The following UTRN variants were observed in gnomAD, a reference collection of about 807,000 sequenced individuals.
UTRN encodes dystrophin-related protein 1.
UTRN carries 283 observed loss-of-function variants against 463.9 expected under a neutral mutation model. The observed-to-expected ratio is 0.61, with a 90% CI of 0.55 to 0.67. UTRN has a LOEUF of 0.67. Among genes scored for constraint, UTRN ranks in the 30% least tolerant of loss-of-function variants. UTRN has a pLI of 0.00. For synonymous variants in UTRN, 1,442 were observed against 1,431.5 expected (o/e 1.01, Z -0.17); for missense variants, 3,922 against 4,084.3 (o/e 0.96, Z 1.08).
chr6:144,744,475 A>G (rs1790476977), intron 54 of UTRN, among the ~76,000 whole-genome samples: 1 of 148,472 alleles, frequency 6.7e-6, no homozygotes, highest in Non-Finnish European at 1.5e-5. Context: ...ACTTATGTAT[A>G]TTATACATAA....
intron 51 of UTRN, among the ~76,000 whole-genome samples, chr6:144,626,043 C>G (rs971816986): frequency 1.3e-5 from 2 of 152,152 alleles, no homozygotes; most frequent in Non-Finnish European, 2.9e-5. Flanking sequence ...TAGGGGCTGA[C>G]AGTGACCAGT....
At chr6:144,745,151 G>T (rs1790571603) in intron 54 of UTRN, among the ~76,000 whole-genome samples, 1 of 152,110 alleles carries the variant, frequency 6.6e-6, no homozygotes, top group Non-Finnish European at 1.5e-5. Context: ...CAGATTCTCT[G>T]CTTCTACTTG....
intron 34 of UTRN, among the ~76,000 whole-genome samples, chr6:144,505,582 C>G (rs898423656): frequency 6.6e-6 from 1 of 152,164 alleles, no homozygotes; most frequent in Non-Finnish European, 1.5e-5. Context: ...TTTCTTAATC[C>G]TGAGTTCTAA....
intron 2 of UTRN, among the ~76,000 whole-genome samples, chr6:144,302,035 A>T (rs373744061): frequency 2.6e-5 from 4 of 152,148 alleles, no homozygotes; most frequent in South Asian, 4.1e-4. Context: ...AAACATCAGC[A>T]TCAGTGCCAC....
At chr6:144,340,124 ACCACTGCACT>A (rs1178263312) in intron 2 of UTRN, among the ~76,000 whole-genome samples, 3 of 152,154 alleles carry the variant, frequency 2.0e-5, no homozygotes, top group Admixed American at 6.5e-5. Flanking sequence ...CTGAGATCAC[ACCACTGCACT>A]CCAGCCTGGG....
intron 2 of UTRN, among the ~76,000 whole-genome samples, chr6:144,305,452 G>T (rs978620586): frequency 6.6e-6 from 1 of 152,174 alleles, no homozygotes; most frequent in Non-Finnish European, 1.5e-5. Flanking sequence ...AATGAAAATA[G>T]AAATAGAATC....
intron 74 of UTRN, among the ~76,000 whole-genome samples, chr6:144,849,188 G>A (rs947964722): frequency 6.6e-6 from 1 of 152,090 alleles, no homozygotes; most frequent in African/African-American, 2.4e-5. Flanking sequence ...GGAAGAGTGA[G>A]GCATAGGGTC....
In UTRN at chr6:144,444,144, A is replaced by T. The variant is rs1351306291; in HGVS notation, c.1513-137A>T. 5 of 659,368 alleles carry T rather than the reference A, an allele frequency of 7.6e-6. No individual in the cohort carries two copies. In the African/African-American group the frequency reaches 7.6e-5, roughly 10 times the overall value. 40.8% of individuals were successfully genotyped at this position (659,368 alleles called of 1,614,324 possible). A position where few individuals can be genotyped will look rare whatever the true frequency, so the allele number is the denominator to read the frequency against. ...TTTCTAGGCCTAGTCTGTTATTTTA[A>T]AGCAATTTTTATAAAAATACTTTTT... On this transcript the variant is annotated intron_variant, in intron 13 of 74. Transcript: ENST00000367545.
chr6:144,683,512 T>C (rs1290880442), intron 52 of UTRN, among the ~76,000 whole-genome samples: 1 of 152,184 alleles, frequency 6.6e-6, no homozygotes, highest in Non-Finnish European at 1.5e-5. Flanking sequence ...AAGTGATCAC[T>C]GTGGAGCACA....
At chr6:144,534,194 A>G (rs1797327658) in intron 43 of UTRN, among the ~76,000 whole-genome samples, 1 of 152,236 alleles carries the variant, frequency 6.6e-6, no homozygotes, top group Non-Finnish European at 1.5e-5. Context: ...TAAGAGACAA[A>G]TAATAATTAG....
chr6:144,339,765 C>A (rs532349439), intron 2 of UTRN, among the ~76,000 whole-genome samples: 3 of 152,226 alleles, frequency 2.0e-5, no homozygotes, highest in African/African-American at 4.8e-5. Context: ...CAGGCCTTCA[C>A]CCCCTCCCAA....
At chr6:144,699,186 T>C (rs892986771) in intron 52 of UTRN, among the ~76,000 whole-genome samples, 1 of 152,156 alleles carries the variant, frequency 6.6e-6, no homozygotes, top group African/African-American at 2.4e-5. Flanking sequence ...ACACCTGTAA[T>C]CCCAGCACTT....
intron 53 of UTRN, among the ~76,000 whole-genome samples, chr6:144,707,263 A>C (rs1785188495): frequency 6.6e-6 from 1 of 152,154 alleles, no homozygotes; most frequent in Admixed American, 6.6e-5. Flanking sequence ...CCAGTTGAGA[A>C]TGTAAGGGTT....
At chr6:144,717,139 C>A (rs1187280307) in intron 53 of UTRN, among the ~76,000 whole-genome samples, 1 of 152,192 alleles carries the variant, frequency 6.6e-6, no homozygotes, top group Admixed American at 6.6e-5. Context: ...CTTTACCATA[C>A]CCTGGCCTGT....
intron 2 of UTRN, among the ~76,000 whole-genome samples, chr6:144,306,681 G>A (rs1241741595): frequency 1.3e-5 from 2 of 152,004 alleles, no homozygotes; most frequent in Non-Finnish European, 2.9e-5. Flanking sequence ...GGCTTGGGCT[G>A]GGGTCTGCCC....
chr6:144,699,294 C>T (rs528347023), intron 52 of UTRN, among the ~76,000 whole-genome samples: 10 of 151,894 alleles, frequency 6.6e-5, no homozygotes, highest in Middle Eastern at 3.4e-3. Flanking sequence ...GAAAATTAAC[C>T]GGGCATGGTG....
intron 2 of UTRN, among the ~76,000 whole-genome samples, chr6:144,389,619 G>A (rs1307299454): frequency 6.6e-6 from 1 of 150,956 alleles, no homozygotes; most frequent in African/African-American, 2.4e-5. Flanking sequence ...CCCCCCCTGA[G>A]ACGGGGTCTG....
intron 21 of UTRN, among the ~76,000 whole-genome samples, chr6:144,460,265 C>T (rs1471235359): frequency 6.6e-6 from 1 of 152,214 alleles, no homozygotes; most frequent in Non-Finnish European, 1.5e-5. Context: ...GCTCATCCCT[C>T]CTACGTTACA....
At chr6:144,539,870 C>A (rs908570451) in intron 45 of UTRN, among the ~76,000 whole-genome samples, 1 of 151,834 alleles carries the variant, frequency 6.6e-6, no homozygotes, top group Non-Finnish European at 1.5e-5. Flanking sequence ...CAGTGAAACC[C>A]CATCTCTACT....
Sources: allele counts gnomAD v4.1 joint callset (sites outside exome capture counted in the v4.1 genomes callset), GRCh38; gene constraint gnomAD v4.1.1; transcripts MANE v1.5; gene names NCBI Gene and HGNC (gene_info 2026-07-23, HGNC 2026-07-21).